The following RBFOX1 variants were observed in gnomAD, a reference collection of about 807,000 sequenced individuals.
RBFOX1 encodes the protein RNA binding protein fox-1 homolog 1.
A neutral mutation model predicts 57.7 loss-of-function variants in RBFOX1; 8 were observed. That is an observed-to-expected ratio of 0.14 (90% confidence interval 0.08 to 0.25). RBFOX1 has a LOEUF of 0.25. Ranked by LOEUF, RBFOX1 falls within the 10% of genes least tolerant of loss-of-function variation. RBFOX1 has a pLI of 1.00. For missense variants in RBFOX1, 611 were observed against 548.5 expected, an observed-to-expected ratio of 1.11 and a Z score of -1.14; for synonymous variants, 326 against 222.4, an observed-to-expected ratio of 1.47 and a Z score of -4.15.
intron 3 of RBFOX1, among the ~76,000 whole-genome samples, chr16:5,646,029 A>AT (rs112907409): frequency 0.047 from 6,961 of 148,608 alleles, 207 homozygotes; most frequent in Non-Finnish European, 0.068. Context: ...TTTTTTTTTA[A>AT]TTTTTTTTTT....
At chr16:7,137,906 G>C (rs960299187) in intron 4 of RBFOX1, among the ~76,000 whole-genome samples, 1 of 152,124 alleles carries the variant, frequency 6.6e-6, no homozygotes, top group African/African-American at 2.4e-5. Flanking sequence ...TAACTTTTTA[G>C]CTTGATGTAC....
At chr16:5,721,822 G>A (rs908753566) in intron 3 of RBFOX1, among the ~76,000 whole-genome samples, 1 of 152,142 alleles carries the variant, frequency 6.6e-6, no homozygotes, top group Non-Finnish European at 1.5e-5. Flanking sequence ...TTCGCAAAGG[G>A]CTTGTAACTA....
chr16:6,816,247 C>A (rs183977707), intron 3 of RBFOX1, among the ~76,000 whole-genome samples: 1 of 152,014 alleles, frequency 6.6e-6, no homozygotes, highest in Non-Finnish European at 1.5e-5. Flanking sequence ...AGTTCAAGAC[C>A]GTAGTAAGCT....
intron 13 of RBFOX1, among the ~76,000 whole-genome samples, chr16:7,666,474 T>TTA (rs2069316110): frequency 6.6e-6 from 1 of 152,204 alleles, no homozygotes; most frequent in African/African-American, 2.4e-5. Context: ...CGCCTCAGTT[T>TTA]CTTCAAACTG....
At chr16:7,307,628 G>A (rs1711790066) in intron 4 of RBFOX1, among the ~76,000 whole-genome samples, 1 of 152,094 alleles carries the variant, frequency 6.6e-6, no homozygotes, top group Non-Finnish European at 1.5e-5. Context: ...CATCCAAGAT[G>A]TTACTACAGT....
chr16:6,680,645 C>T (rs756546328), intron 3 of RBFOX1, among the ~76,000 whole-genome samples: 1 of 152,120 alleles, frequency 6.6e-6, no homozygotes, highest in Non-Finnish European at 1.5e-5. Context: ...CAATTTTATA[C>T]TCTTATTTTA....
intron 2 of RBFOX1, among the ~76,000 whole-genome samples, chr16:6,448,758 A>T (rs539555930): frequency 6.6e-6 from 1 of 152,286 alleles, no homozygotes; most frequent in South Asian, 2.1e-4. Flanking sequence ...AGTTGTATTC[A>T]TCCTGCAGTA....
In RBFOX1 at chr16:7,330,416, AGAT is replaced by A. The variant is rs1339848164; in HGVS notation, c.28-187727_28-187725del. Among the ~76,000 whole-genome samples the A allele has an allele frequency of 6.2e-3, 238 of 38,698 alleles. 2 individuals are homozygous for A. The highest frequency in any genetic ancestry group is 0.028 in the Middle Eastern group (1 of 36). The allele number at this position is 38,698 out of a possible 152,430, so 25.4% of individuals were successfully genotyped here. A position where few individuals can be genotyped will look rare whatever the true frequency, so the allele number is the denominator to read the frequency against. ...TTTTTTTTTTTTTTTTTTCTGTTTT[AGAT>A]GATCTGAGGTTGGTTGAATCTATGG... On this transcript the variant is annotated intron_variant, in intron 4 of 15. Coordinates refer to ENST00000550418, the MANE Select transcript of RBFOX1 (RefSeq NM_018723.4).
At chr16:6,061,052 G>A (rs62015820) in intron 1 of RBFOX1, among the ~76,000 whole-genome samples, 82,449 of 151,560 alleles carry the variant, frequency 0.54, 22,910 homozygotes, top group Non-Finnish European at 0.61. Flanking sequence ...CACTGATTAC[G>A]ACCCATGCAT....
At chr16:7,301,186 G>C (rs563838566) in intron 4 of RBFOX1, among the ~76,000 whole-genome samples, 1 of 152,136 alleles carries the variant, frequency 6.6e-6, no homozygotes, top group Non-Finnish European at 1.5e-5. Flanking sequence ...TTTGATTTGG[G>C]GTCATTGGAT....
chr16:6,287,403 T>G (rs1978314), intron 1 of RBFOX1, among the ~76,000 whole-genome samples: 1 of 151,996 alleles, frequency 6.6e-6, no homozygotes, highest in South Asian at 2.1e-4. Context: ...TCATTGGTGT[T>G]TGCCAATATG....
At chr16:7,459,102 TGAATG>T (rs1358769030) in intron 4 of RBFOX1, among the ~76,000 whole-genome samples, 1 of 152,004 alleles carries the variant, frequency 6.6e-6, no homozygotes, top group Non-Finnish European at 1.5e-5. Flanking sequence ...GATGGGCAGA[TGAATG>T]GATGTAACAG....
At chr16:5,404,221 C>A (rs547786016) in intron 1 of RBFOX1, among the ~76,000 whole-genome samples, 3 of 152,214 alleles carry the variant, frequency 2.0e-5, no homozygotes, top group South Asian at 2.1e-4. Flanking sequence ...TGATGAGTGC[C>A]TGGGAAGCCC....
intron 1 of RBFOX1, among the ~76,000 whole-genome samples, chr16:5,279,563 G>A (rs542517092): frequency 5.3e-4 from 81 of 152,238 alleles, no homozygotes; most frequent in Non-Finnish European, 1.5e-4. Context: ...GTGCAGTGGT[G>A]CAATCTTGGC....
chr16:6,106,216 G>A, intron 1 of RBFOX1, among the ~76,000 whole-genome samples: 1 of 152,052 alleles, frequency 6.6e-6, no homozygotes, highest in East Asian at 1.9e-4. Context: ...CAGCACTTTG[G>A]GAGGTCTAGG....
chr16:6,662,554 A>G (rs1411907415), intron 3 of RBFOX1, among the ~76,000 whole-genome samples: 1 of 152,192 alleles, frequency 6.6e-6, no homozygotes, highest in Non-Finnish European at 1.5e-5. Context: ...CAGGCAGTTC[A>G]TGGATATGGT....
intron 13 of RBFOX1, among the ~76,000 whole-genome samples, chr16:7,674,509 G>C (rs1004819874): frequency 6.6e-6 from 1 of 152,186 alleles, no homozygotes; most frequent in Admixed American, 6.5e-5. Context: ...GCTGGCTCTG[G>C]AGAGTTAAGG....
At chr16:6,551,867 A>G (rs1247257814) in intron 2 of RBFOX1, among the ~76,000 whole-genome samples, 1 of 152,182 alleles carries the variant, frequency 6.6e-6, no homozygotes, top group Non-Finnish European at 1.5e-5. Context: ...TGCGTTGGTC[A>G]TTTCAGAGTG....
intron 2 of RBFOX1, among the ~76,000 whole-genome samples, chr16:6,608,499 C>T (rs974284541): frequency 1.3e-5 from 2 of 152,138 alleles, no homozygotes; most frequent in African/African-American, 4.8e-5. Context: ...CTTAAAACAA[C>T]AGAAATTGCC....
Sources: gnomAD v4.1 joint callset for allele counts (sites outside exome capture counted in the v4.1 genomes callset) on GRCh38, gnomAD v4.1.1 for gene constraint, MANE v1.5 for transcripts, NCBI Gene and HGNC (gene_info 2026-07-23, HGNC 2026-07-21) for gene names.